Variants in EBF2 observed in about 807,000 individuals in gnomAD.
EBF2 encodes the protein EBF transcription factor 2, also known as transcription factor COE2.
EBF2 carries 21 observed loss-of-function variants against 72.8 expected under a neutral mutation model. The ratio of observed to expected loss-of-function variants is 0.29; its 90% CI spans 0.20 to 0.42. The LOEUF (loss-of-function observed/expected upper bound fraction) is 0.42, where lower values mean the gene tolerates loss of function less well. Among genes scored for constraint, EBF2 ranks in the 10% least tolerant of loss-of-function variants. The probability of loss-of-function intolerance (pLI) is 1.00; values close to 1 mark genes in which losing one functional copy is unlikely to be tolerated. For missense variants in EBF2, 637 were observed against 731.2 expected (o/e 0.87, Z 1.49); for synonymous variants, 299 against 274.2 (o/e 1.09, Z -0.89).
At chr8:26,005,546 A>AAAATATAT (rs1804858849) in intron 6 of EBF2, among the ~76,000 whole-genome samples, 2 of 23,288 alleles carry the variant, frequency 8.6e-5, no homozygotes, top group Non-Finnish European at 1.6e-4. Flanking sequence ...TATATTTTAT[A>AAAATATAT]TATATATATA....
intron 6 of EBF2, among the ~76,000 whole-genome samples, chr8:25,922,484 T>C (rs1249572868): frequency 6.6e-6 from 1 of 152,232 alleles, no homozygotes; most frequent in Admixed American, 6.5e-5. Context: ...AAAAGCTTTC[T>C]TGAGAAAAAG....
chr8:25,870,872 T>G (rs558510714), intron 10 of EBF2, among the ~76,000 whole-genome samples: 1 of 152,210 alleles, frequency 6.6e-6, no homozygotes, highest in Admixed American at 6.5e-5. Flanking sequence ...ACATCTCGTG[T>G]GCATCCAAGT....
At chr8:25,860,001 G>A (rs1444009983) in intron 13 of EBF2, among the ~76,000 whole-genome samples, 1 of 151,762 alleles carries the variant, frequency 6.6e-6, no homozygotes, top group East Asian at 1.9e-4. Context: ...ACAAGCGTGA[G>A]CCACCACACC....
chr8:25,987,730 A>G (rs1804483131), intron 6 of EBF2, among the ~76,000 whole-genome samples: 1 of 152,044 alleles, frequency 6.6e-6, no homozygotes, highest in Non-Finnish European at 1.5e-5. Context: ...CTTGAACACA[A>G]ACTGCATAAG....
intron 14 of EBF2, among the ~76,000 whole-genome samples, chr8:25,851,879 G>A (rs548114031): frequency 1.3e-5 from 2 of 152,240 alleles, no homozygotes; most frequent in South Asian, 2.1e-4. Context: ...TGATGTCCAT[G>A]GACAACTCCA....
At chr8:25,928,387 C>T (rs1285685263) in intron 6 of EBF2, among the ~76,000 whole-genome samples, 1 of 152,154 alleles carries the variant, frequency 6.6e-6, no homozygotes, top group African/African-American at 2.4e-5. Flanking sequence ...TCCCATCTGA[C>T]TCATTCCCTG....
At chr8:25,863,593 A>C (rs117179020) in intron 10 of EBF2, among the ~76,000 whole-genome samples, 2,277 of 152,328 alleles carry the variant, frequency 0.015, 114 homozygotes, top group Admixed American at 0.092. Flanking sequence ...TTTTAAAATT[A>C]ATACATGATT....
chr8:25,955,026 C>T (rs1266065079), intron 6 of EBF2, among the ~76,000 whole-genome samples: 2 of 152,288 alleles, frequency 1.3e-5, no homozygotes, highest in Admixed American at 6.5e-5. Context: ...CGCCCAGGGG[C>T]TGCACGCTCT....
chr8:25,865,069 G>C (rs1046286162), intron 10 of EBF2, among the ~76,000 whole-genome samples: 2 of 151,966 alleles, frequency 1.3e-5, no homozygotes, highest in African/African-American at 4.8e-5. Context: ...ACAAAGTGCT[G>C]GGATTACAGG....
chr8:25,918,727 A>C (rs1803264437), intron 6 of EBF2, among the ~76,000 whole-genome samples: 1 of 152,234 alleles, frequency 6.6e-6, no homozygotes, highest in Non-Finnish European at 1.5e-5. Flanking sequence ...GTATTGATAA[A>C]GGTACATATT....
At position 25,920,525 on chromosome 8, in the gene EBF2, G is replaced by T. The variant is rs540621805; in HGVS notation, c.552-11970C>A. ...TTGTTTGGCTATTTTCTTCAGCTTT[G>T]CCTACCCAATTTCAAACTATGTACT... is the stretch of plus-strand genomic sequence containing the variant. On this transcript the variant is annotated intron_variant, in intron 6 of 15. Transcript: ENST00000520164. 3.9e-5 allele frequency among the ~76,000 whole-genome samples: 6 copies of T among 152,304 alleles called. 1 individual carries two copies. In the South Asian group the frequency reaches 1.0e-3, roughly 26 times the overall value.
intron 11 of EBF2, 79 bp from the exon 12 acceptor site, chr8:25,861,453 G>A (rs1470416632): frequency 2.6e-6 from 4 of 1,535,008 alleles, no homozygotes; most frequent in Non-Finnish European, 3.6e-6. Context: ...AGGCAAAAAT[G>A]AGAAATCCAC....
Position 25,907,757 on chromosome 8 carries a change from G to C in EBF2, c.633+717C>G, listed in dbSNP as rs546978753. Among the ~76,000 whole-genome samples, 3 of 152,292 alleles carry C rather than the reference G, an allele frequency of 2.0e-5. No individual in the cohort carries two copies. The South Asian group carries it at 6.2e-4, about 32-fold the overall frequency. On this transcript the variant is annotated intron_variant, in intron 7 of 15. Coordinates refer to ENST00000520164, the MANE Select transcript of EBF2 (RefSeq NM_022659.4). ...TTTTTAATTTTTCTATGGAAAAGGA[G>C]GTGCCACATCTAGAACGGGGTGTGA... is the stretch of plus-strand genomic sequence containing the variant.
intron 6 of EBF2, among the ~76,000 whole-genome samples, chr8:25,984,743 A>C (rs987145712): frequency 6.6e-6 from 1 of 152,038 alleles, no homozygotes; most frequent in Non-Finnish European, 1.5e-5. Context: ...TAGGTAATGA[A>C]ATTTGCCCAG....
intron 6 of EBF2, among the ~76,000 whole-genome samples, chr8:25,911,379 A>G (rs893696674): frequency 2.6e-5 from 4 of 152,218 alleles, no homozygotes; most frequent in Admixed American, 1.3e-4. Context: ...AAGAGCGAAC[A>G]CTAACAATCA....
intron 6 of EBF2, among the ~76,000 whole-genome samples, chr8:25,942,086 G>A (rs1323109881): frequency 6.6e-6 from 1 of 152,162 alleles, no homozygotes; most frequent in Admixed American, 6.5e-5. Context: ...AATTGTAAGA[G>A]GATGATGTAC....
intron 6 of EBF2, among the ~76,000 whole-genome samples, chr8:25,980,921 G>A (rs570155062): frequency 1.3e-5 from 2 of 150,402 alleles, no homozygotes; most frequent in Admixed American, 1.3e-4. Flanking sequence ...TTCACCCCTG[G>A]AGTAACTGTG....
chr8:25,907,713 C>T (rs1229449402), intron 7 of EBF2, among the ~76,000 whole-genome samples: 3 of 152,122 alleles, frequency 2.0e-5, no homozygotes, highest in African/African-American at 7.2e-5. Flanking sequence ...CTCAAGCTTG[C>T]ATACTATCGT....
chr8:25,853,216 G>T (rs1802018556), intron 14 of EBF2, among the ~76,000 whole-genome samples: 1 of 152,094 alleles, frequency 6.6e-6, no homozygotes, highest in African/African-American at 2.4e-5. Context: ...TCACAAGATA[G>T]ATTTGCCACA....
Sources: gnomAD v4.1 joint callset for allele counts (sites outside exome capture counted in the v4.1 genomes callset) on GRCh38, gnomAD v4.1.1 for gene constraint, MANE v1.5 for transcripts, NCBI Gene and HGNC (gene_info 2026-07-23, HGNC 2026-07-21) for gene names.